The following HP1BP3 variants were observed in gnomAD, a reference collection of about 807,000 sequenced individuals.
The protein encoded by HP1BP3 is heterochromatin protein 1 binding protein 3, also known as heterochromatin protein 1-binding protein 3.
Under a neutral mutation model 62.5 loss-of-function variants are expected in HP1BP3, and 12 were observed. The observed-to-expected ratio is 0.19, with a 90% CI of 0.12 to 0.31. HP1BP3 has a LOEUF of 0.31. Among genes scored for constraint, HP1BP3 ranks in the 10% least tolerant of loss-of-function variants. HP1BP3 has a pLI of 1.00. For missense variants in HP1BP3, 502 were observed against 651.8 expected, an observed-to-expected ratio of 0.77 and a Z score of 2.50; for synonymous variants, 260 against 237.8, an observed-to-expected ratio of 1.09 and a Z score of -0.86.
intron 1 of HP1BP3, chr1:20,786,327 C>G (rs937011484): frequency 2.6e-5 from 4 of 152,320 alleles, no homozygotes; most frequent in African/African-American, 9.6e-5. Context: ...ACCGGGGGAG[C>G]GAGACTCAAG....
intron 8 of HP1BP3, among the ~76,000 whole-genome samples, chr1:20,761,038 A>G (rs1277216846): frequency 1.3e-5 from 2 of 151,834 alleles, no homozygotes. Flanking sequence ...GTTTACTGAT[A>G]TATTTTATTT....
In HP1BP3 at chr1:20,775,839, G is replaced by A. The variant is rs927883176; in HGVS notation, c.350+758C>T. On this transcript the variant is annotated intron_variant, in intron 4 of 12. Coordinates refer to ENST00000438032, the MANE Select transcript of HP1BP3 (RefSeq NM_001372052.1). ...GGTATGTAGTAGGCTGTACCACGTA[G>A]GTTTGTGTAAGTACACTTTATGATG... is the stretch of plus-strand genomic sequence containing the variant. 3.1e-6 allele frequency: 3 copies of A among 957,252 alleles called. No homozygotes were observed. In the East Asian group the frequency reaches 8.2e-5, roughly 26 times the overall value. 59.3% of individuals were successfully genotyped at this position (957,252 alleles called of 1,614,324 possible).
intron 6 of HP1BP3, among the ~76,000 whole-genome samples, chr1:20,769,622 T>C (rs990378904): frequency 2.0e-5 from 3 of 152,158 alleles, no homozygotes; most frequent in African/African-American, 7.2e-5. Flanking sequence ...CCTTGCTATG[T>C]TGCCCAGGCT....
At chr1:20,750,781 AC>A (rs939799363) in intron 9 of HP1BP3, among the ~76,000 whole-genome samples, 4 of 147,906 alleles carry the variant, frequency 2.7e-5, no homozygotes, top group African/African-American at 5.0e-5. Flanking sequence ...ACGATCATCC[AC>A]TTCCACTTAA....
At chr1:20,772,643 C>G (rs1239978680) in intron 5 of HP1BP3, among the ~76,000 whole-genome samples, 1 of 152,034 alleles carries the variant, frequency 6.6e-6, no homozygotes, top group African/African-American at 2.4e-5. Context: ...ACACATCCCC[C>G]CTTTTCTGGT....
At chr1:20,747,517 G>A (rs1255698979) in intron 11 of HP1BP3, 27 bp downstream of exon 11, 3 of 1,317,008 alleles carry the variant, frequency 2.3e-6, no homozygotes, top group Non-Finnish European at 3.2e-6. Context: ...TAAATTTACA[G>A]TGATCTATTA....
At chr1:20,751,610 T>C (rs1001971444) in intron 9 of HP1BP3, among the ~76,000 whole-genome samples, 4 of 151,878 alleles carry the variant, frequency 2.6e-5, no homozygotes, top group Non-Finnish European at 5.9e-5. Context: ...GTAGCCTACC[T>C]ACATGAAAGG....
chr1:20,751,081 T>G (rs1391559610), intron 9 of HP1BP3, among the ~76,000 whole-genome samples: 2 of 152,122 alleles, frequency 1.3e-5, no homozygotes, highest in African/African-American at 4.8e-5. Flanking sequence ...CCTCCTGACG[T>G]GCTGGGATTA....
At chr1:20,766,716 G>A (rs1050394086) in intron 7 of HP1BP3, among the ~76,000 whole-genome samples, 20 of 152,076 alleles carry the variant, frequency 1.3e-4, no homozygotes, top group African/African-American at 4.8e-4. Flanking sequence ...GAGGCAGGCA[G>A]ATCACCTGAG....
intron 5 of HP1BP3, among the ~76,000 whole-genome samples, chr1:20,772,698 TAAC>T (rs955540423): frequency 9.2e-5 from 14 of 152,088 alleles, no homozygotes; most frequent in African/African-American, 2.7e-4. Context: ...CCTCAGATCC[TAAC>T]AACAGGGTCC....
intron 8 of HP1BP3, among the ~76,000 whole-genome samples, chr1:20,762,921 A>C (rs927208831): frequency 6.6e-6 from 1 of 152,148 alleles, no homozygotes; most frequent in African/African-American, 2.4e-5. Flanking sequence ...AAAGGAGATA[A>C]AAGTGAAATA....
At chr1:20,754,548 G>A (rs1250912459) in intron 9 of HP1BP3, among the ~76,000 whole-genome samples, 1 of 151,942 alleles carries the variant, frequency 6.6e-6, no homozygotes, top group East Asian at 1.9e-4. Context: ...TCCTGAAAAA[G>A]TTAGAGGGCT....
intron 9 of HP1BP3, among the ~76,000 whole-genome samples, chr1:20,756,237 A>G (rs1052288768): frequency 3.9e-5 from 6 of 152,230 alleles, no homozygotes; most frequent in Non-Finnish European, 8.8e-5. Flanking sequence ...ACTATCTCAA[A>G]GTTATCTTAA....
intron 9 of HP1BP3, among the ~76,000 whole-genome samples, chr1:20,753,400 G>C (rs2055903408): frequency 6.6e-6 from 1 of 152,148 alleles, no homozygotes; most frequent in Non-Finnish European, 1.5e-5. Flanking sequence ...CCTTTCAAGA[G>C]AAAATTTAAA....
At chr1:20,751,320 G>T (rs1350220483) in intron 9 of HP1BP3, among the ~76,000 whole-genome samples, 1 of 151,452 alleles carries the variant, frequency 6.6e-6, no homozygotes, top group African/African-American at 2.4e-5. Flanking sequence ...ACTGCACGGG[G>T]GATCTGCACC....
At chr1:20,771,959 G>GTATC (rs2057080906) in intron 5 of HP1BP3, among the ~76,000 whole-genome samples, 1 of 152,098 alleles carries the variant, frequency 6.6e-6, no homozygotes, top group African/African-American at 2.4e-5. Flanking sequence ...TAACTCACAG[G>GTATC]TAGATGGTCC....
rs2055073930 is a variant in HP1BP3, at chr1:20,741,193, A to T, written c.*3604T>A. On this transcript the variant is annotated 3_prime_UTR_variant, in exon 13 of 13. Coordinates refer to ENST00000438032, the MANE Select transcript of HP1BP3 (RefSeq NM_001372052.1). ...GATAAATTAATCAGGTTCCAAAGAT[A>T]GGAGACCTTAACTATAATCCCAAAT... Among the ~76,000 whole-genome samples the T allele has an allele frequency of 1.3e-5, 2 of 152,256 alleles. No individual in the cohort carries two copies. Among genetic ancestry groups the T allele is most frequent in the South Asian group, 4.1e-4 (2 of 4,834 alleles).
intron 7 of HP1BP3, 66 bp downstream of exon 7, chr1:20,767,518 G>C (rs575070010): frequency 8.0e-4 from 821 of 1,027,174 alleles, no homozygotes; most frequent in Middle Eastern, 2.6e-3. Context: ...AACACTCAAT[G>C]AATGTTGCTA....
At chr1:20,778,107 A>C (rs1557672387) in intron 3 of HP1BP3, among the ~76,000 whole-genome samples, 1 of 152,204 alleles carries the variant, frequency 6.6e-6, no homozygotes, top group Non-Finnish European at 1.5e-5. Context: ...TATTCTAAAA[A>C]AGATGAAAAG....
Sources: allele counts gnomAD v4.1 joint callset (sites outside exome capture counted in the v4.1 genomes callset), GRCh38; gene constraint gnomAD v4.1.1; transcripts MANE v1.5; gene names NCBI Gene and HGNC (gene_info 2026-07-23, HGNC 2026-07-21).